TINAG: variants seen among roughly 807,000 people sequenced by gnomAD.
TINAG encodes tubulointerstitial nephritis antigen.
Under a neutral mutation model 72.7 loss-of-function variants are expected in TINAG, and 83 were observed. The ratio of observed to expected loss-of-function variants is 1.14; its 90% CI spans 0.96 to 1.37. The LOEUF (loss-of-function observed/expected upper bound fraction) is 1.37, where lower values mean the gene tolerates loss of function less well. TINAG is among the 40% of genes most tolerant of loss of function. TINAG has a pLI of 0.00. For missense variants in TINAG, 685 were observed against 576.6 expected (o/e 1.19, Z -1.93); for synonymous variants, 234 against 189.9 (o/e 1.23, Z -1.91).
At chr6:54,354,137 C>T (rs1785333184) in intron 8 of TINAG, among the ~76,000 whole-genome samples, 1 of 151,756 alleles carries the variant, frequency 6.6e-6, no homozygotes, top group Non-Finnish European at 1.5e-5. Flanking sequence ...GCTCTGCTAG[C>T]TTAATTGGGG....
intron 4 of TINAG, among the ~76,000 whole-genome samples, chr6:54,328,378 C>T (rs1484519132): frequency 6.6e-6 from 1 of 151,986 alleles, no homozygotes; most frequent in South Asian, 2.1e-4. Flanking sequence ...AGGAGAGGGG[C>T]CTGACTGGGT....
chr6:54,366,355 C>T lies in TINAG; in HGVS notation c.1250+11719C>T, dbSNP rs904255055. 2.0e-5 allele frequency among the ~76,000 whole-genome samples: 3 copies of T among 151,398 alleles called. No individual in the cohort carries two copies. In the East Asian group the frequency reaches 5.8e-4, roughly 29 times the overall value. On this transcript the variant is annotated intron_variant, in intron 9 of 10. Transcript: ENST00000259782. ...TTTTCTCAAACAATTGCTCTGTTCC[C>T]TCTTTTACTAGAAAATTCTTTAGGA... is the stretch of plus-strand genomic sequence containing the variant.
chr6:54,370,396 T>C (rs1386398965), intron 9 of TINAG, among the ~76,000 whole-genome samples: 1 of 151,978 alleles, frequency 6.6e-6, no homozygotes, highest in African/African-American at 2.4e-5. Context: ...TATTTGAACC[T>C]TACTACAAAG....
chr6:54,335,851 A>T (rs1218876754), intron 4 of TINAG, among the ~76,000 whole-genome samples: 1 of 152,160 alleles, frequency 6.6e-6, no homozygotes, highest in African/African-American at 2.4e-5. Context: ...TAGACTATAC[A>T]TACAGCCAGG....
Position 54,329,952 on chromosome 6 carries a change from G to A in TINAG, c.624+3036G>A, listed in dbSNP as rs559742771. Among the ~76,000 whole-genome samples, 21 of 152,084 alleles carry A rather than the reference G, an allele frequency of 1.4e-4. No homozygotes were observed. The South Asian group carries it at 4.2e-3, about 30-fold the overall frequency. On this transcript the variant is annotated intron_variant, in intron 4 of 10. Coordinates refer to ENST00000259782, the MANE Select transcript of TINAG (RefSeq NM_014464.4). ...CATGAATATGTATGCACCCAATACA[G>A]GAGCACCCAGATTCATAAAGCAAGT...
intron 1 of TINAG, among the ~76,000 whole-genome samples, chr6:54,318,793 T>TA (rs1422302252): frequency 6.6e-6 from 1 of 152,060 alleles, no homozygotes; most frequent in Non-Finnish European, 1.5e-5. Context: ...TGCGTCTGGG[T>TA]ATTATATAGA....
At chr6:54,309,868 G>C (rs561275466) in intron 1 of TINAG, among the ~76,000 whole-genome samples, 155 of 149,892 alleles carry the variant, frequency 1.0e-3, no homozygotes, top group African/African-American at 3.6e-3. Flanking sequence ...AAATCCAGAT[G>C]CCATAGCCAT....
Position 54,367,905 on chromosome 6 carries a change from G to C in TINAG, c.1251-12621G>C, listed in dbSNP as rs148386965. On this transcript the variant is annotated intron_variant, in intron 9 of 10. Coordinates refer to ENST00000259782, the MANE Select transcript of TINAG (RefSeq NM_014464.4). The stretch of plus-strand genomic sequence containing the variant: ...TTTCTTGTTCATAAATGACTGTCTT[G>C]CTGTGTCCTCACACAGGGGAGCTCT... 1.6e-4 allele frequency among the ~76,000 whole-genome samples: 24 copies of C among 151,832 alleles called. No individual in the cohort carries two copies. The East Asian group carries it at 3.9e-3, about 25-fold the overall frequency.
At chr6:54,359,371 G>T in intron 9 of TINAG, among the ~76,000 whole-genome samples, 1 of 151,654 alleles carries the variant, frequency 6.6e-6, no homozygotes, top group East Asian at 1.9e-4. Context: ...CCACACACTA[G>T]GTAATTGACT....
rs75017897 is a variant in TINAG, at chr6:54,363,619, CAA to C, written c.1250+8998_1250+8999del. Among the ~76,000 whole-genome samples the C allele has an allele frequency of 5.1e-3, 588 of 115,478 alleles. 2 individuals are homozygous for C. The highest frequency in any genetic ancestry group is 7.2e-3 in the Admixed American group (77 of 10,640). 75.8% of individuals were successfully genotyped at this position (115,478 alleles called of 152,430 possible). A position where few individuals can be genotyped will look rare whatever the true frequency, so the allele number is the denominator to read the frequency against. On this transcript the variant is annotated intron_variant, in intron 9 of 10. Transcript: ENST00000259782. Reference sequence around the variant, plus strand: ...GAGACAAAAAAGTGCCAACGGGTATCAAAAAAAAAAAAAAAACAGGCAGATTT... The same window carrying C: ...GAGACAAAAAAGTGCCAACGGGTATCAAAAAAAAAAAAAACAGGCAGATTT...
At chr6:54,336,583 A>G (rs1327673115) in intron 4 of TINAG, among the ~76,000 whole-genome samples, 1 of 152,176 alleles carries the variant, frequency 6.6e-6, no homozygotes, top group Non-Finnish European at 1.5e-5. Context: ...AAATATTAAA[A>G]ATATTTTGAA....
intron 4 of TINAG, among the ~76,000 whole-genome samples, chr6:54,330,373 T>C (rs1035898876): frequency 6.6e-6 from 1 of 151,976 alleles, no homozygotes; most frequent in Non-Finnish European, 1.5e-5. Flanking sequence ...AATAACAAAA[T>C]TAAGTCAGAA....
intron 9 of TINAG, among the ~76,000 whole-genome samples, chr6:54,360,859 T>TTTTTTG (rs1562173220): frequency 4.7e-5 from 6 of 127,994 alleles, no homozygotes; most frequent in African/African-American, 2.0e-4. Flanking sequence ...TTTTTTTTTT[T>TTTTTTG]TTTTTTTTTT....
chr6:54,334,825 C>G (rs1192550593), intron 4 of TINAG, among the ~76,000 whole-genome samples: 1 of 152,162 alleles, frequency 6.6e-6, no homozygotes, highest in African/African-American at 2.4e-5. Context: ...CTTTTAATCT[C>G]TCAACCAAAG....
At chr6:54,313,245 C>T (rs1483912419) in intron 1 of TINAG, among the ~76,000 whole-genome samples, 2 of 152,042 alleles carry the variant, frequency 1.3e-5, no homozygotes, top group East Asian at 3.9e-4. Flanking sequence ...GTATTAGTAA[C>T]ATGATGAGAA....
chr6:54,376,962 T>TCCTTA (rs1763802239), intron 9 of TINAG, among the ~76,000 whole-genome samples: 1 of 152,068 alleles, frequency 6.6e-6, no homozygotes, highest in African/African-American at 2.4e-5. Flanking sequence ...TTAGGGAATG[T>TCCTTA]GGTAGATGGG....
chr6:54,343,231 T>C lies in TINAG; in HGVS notation c.630T>C (p.Ser210=). The change falls in exon 5 of 11, where the codon TCT becomes TCC. Residue 210 remains serine, a synonymous_variant. Coordinates refer to ENST00000259782, the MANE Select transcript of TINAG (RefSeq NM_014464.4). The part of the protein sequence containing the change: ...MLLSMNEMTA[S]LPATTDLPEF... ...TACCTCTTCTTCCTCTTTAGGCTTC[T>C]TTACCTGCAACAACTGATCTTCCAG... The C allele has an allele frequency of 1.3e-6, 2 of 1,559,118 alleles. No homozygotes were observed. Among genetic ancestry groups the C allele is most frequent in the Non-Finnish European group, 1.7e-6 (2 of 1,149,920 alleles).
chr6:54,379,517 G>A (rs560841754), intron 9 of TINAG, among the ~76,000 whole-genome samples: 61 of 151,992 alleles, frequency 4.0e-4, no homozygotes, highest in Non-Finnish European at 6.0e-4. Context: ...AAAATTCTAC[G>A]TTAGGCACAA....
At chr6:54,309,119 C>G (rs988613592) in intron 1 of TINAG, among the ~76,000 whole-genome samples, 1 of 152,128 alleles carries the variant, frequency 6.6e-6, no homozygotes, top group African/African-American at 2.4e-5. Flanking sequence ...AAGTTCTGAT[C>G]TGACAGTCCT....
Sources: gnomAD v4.1 joint callset for allele counts (sites outside exome capture counted in the v4.1 genomes callset) on GRCh38, gnomAD v4.1.1 for gene constraint, MANE v1.5 for transcripts, NCBI Gene and HGNC (gene_info 2026-07-23, HGNC 2026-07-21) for gene names.